The following SHANK2 variants were observed in gnomAD, a reference collection of about 807,000 sequenced individuals.
SHANK2 encodes the protein SH3 and multiple ankyrin repeat domains 2, also known as SH3 and multiple ankyrin repeat domains protein 2.
Under a neutral mutation model 133.7 loss-of-function variants are expected in SHANK2, and 43 were observed. The ratio of observed to expected loss-of-function variants is 0.32; its 90% CI spans 0.25 to 0.41. The LOEUF is 0.41. Among genes scored for constraint, SHANK2 ranks in the 10% least tolerant of loss-of-function variants. The pLI is 1.00. For synonymous variants in SHANK2, 1,017 were observed against 952.8 expected (o/e 1.07, Z -1.24); for missense variants, 1,994 against 2,235.8 (o/e 0.89, Z 2.18).
At chr11:70,545,137 G>C (rs1345377896) in intron 17 of SHANK2, among the ~76,000 whole-genome samples, 6 of 152,240 alleles carry the variant, frequency 3.9e-5, no homozygotes, top group African/African-American at 1.4e-4. Context: ...CACCACCCCA[G>C]TCCTGCCGTG....
chr11:71,095,227 G>A (rs144439005), intron 6 of SHANK2, among the ~76,000 whole-genome samples: 4 of 152,304 alleles, frequency 2.6e-5, no homozygotes, highest in East Asian at 1.9e-4. Flanking sequence ...CTTCATTAAC[G>A]CGGCGCAGGA....
At chr11:70,880,066 G>C (rs667028) in intron 11 of SHANK2, among the ~76,000 whole-genome samples, 17 of 152,168 alleles carry the variant, frequency 1.1e-4, no homozygotes, top group Admixed American at 2.0e-4. Flanking sequence ...GGCCGGTGCT[G>C]TGCCTGCCAG....
At chr11:71,113,171 A>G in intron 5 of SHANK2, 122 bp downstream of exon 5, 1 of 904,368 alleles carries the variant, frequency 1.1e-6, no homozygotes, top group Non-Finnish European at 1.7e-6. Context: ...CAGCCCAGCC[A>G]CACGCCATGC....
intron 14 of SHANK2, among the ~76,000 whole-genome samples, chr11:70,700,064 T>C (rs1310920769): frequency 6.6e-6 from 1 of 152,196 alleles, no homozygotes; most frequent in African/African-American, 2.4e-5. Flanking sequence ...AGCAAGAGTT[T>C]CATTTCTACC....
chr11:70,837,986 A>G (rs1443966344), intron 11 of SHANK2, among the ~76,000 whole-genome samples: 2 of 150,140 alleles, frequency 1.3e-5, no homozygotes, highest in African/African-American at 2.5e-5. Context: ...AAAAAAAAAA[A>G]AAAAAAAAAA....
chr11:71,107,744 T>C (rs1181029606), intron 6 of SHANK2, among the ~76,000 whole-genome samples: 2 of 152,216 alleles, frequency 1.3e-5, no homozygotes, highest in Non-Finnish European at 2.9e-5. Context: ...CTGATGTGTT[T>C]TTAGCAGTGA....
At position 70,485,927 on chromosome 11, in the gene SHANK2, G is replaced by A; in HGVS notation, c.4366C>T (p.Pro1456Ser). 1 of 1,614,154 alleles carries A rather than the reference G, an allele frequency of 6.2e-7. No individual in the cohort carries two copies. The highest frequency in any genetic ancestry group is 1.7e-4 in the Middle Eastern group (1 of 6,060). ...PQSPSLNSSQ[P>S]TNSADSKKPA... The stretch of plus-strand genomic sequence containing the variant: ...TTCTTGCTGTCTGCAGAGTTGGTTG[G>A]TTGGCTGGAGTTCAACGAAGGGGAC... The change falls in exon 25 of 26, where the codon CCA (proline) becomes TCA (serine). Residue 1456 changes from proline to serine, a missense_variant. This residue lies in a region of SHANK2 where 797 missense variants were observed against 907.4 expected (regional missense o/e 0.88). Transcript: ENST00000601538. The surrounding 1 kb of genome is among the most constrained non-coding windows in gnomAD (Gnocchi z 5.8).
intron 1 of SHANK2, among the ~76,000 whole-genome samples, chr11:71,241,434 T>C (rs1193242602): frequency 3.3e-5 from 5 of 152,072 alleles, no homozygotes; most frequent in Admixed American, 2.0e-4. Context: ...CAAGGCCCCA[T>C]GGGACAAACA....
intron 17 of SHANK2, among the ~76,000 whole-genome samples, chr11:70,567,141 AG>A (rs1405977522): frequency 6.6e-6 from 1 of 152,104 alleles, no homozygotes; most frequent in Admixed American, 6.5e-5. Context: ...ATTGATGGAG[AG>A]GTGTCTGCAG....
At chr11:70,578,316 A>T (rs2060142189) in intron 17 of SHANK2, among the ~76,000 whole-genome samples, 1 of 152,192 alleles carries the variant, frequency 6.6e-6, no homozygotes, top group African/African-American at 2.4e-5. Flanking sequence ...CCAAGACAGG[A>T]GGAACGCAGA....
At chr11:71,242,057 A>C (rs372766133) in intron 1 of SHANK2, among the ~76,000 whole-genome samples, 17 of 152,358 alleles carry the variant, frequency 1.1e-4, no homozygotes, top group African/African-American at 3.8e-4. Flanking sequence ...ACTCAGCCAC[A>C]AAAAGGAAGG....
intron 14 of SHANK2, among the ~76,000 whole-genome samples, chr11:70,769,323 G>A (rs73529977): frequency 0.01 from 1,530 of 152,284 alleles, 27 homozygotes; most frequent in African/African-American, 0.035. Context: ...TCGCAGACAT[G>A]TCCTCGTTTG....
rs73535364 is a variant in SHANK2 at position 70,931,035 on chromosome 11, T to C, written c.1108-34468A>G. Among the ~76,000 whole-genome samples, 610 of 152,040 alleles carry C rather than the reference T, an allele frequency of 4.0e-3. 2 individuals are homozygous for C. The highest frequency in any genetic ancestry group is 0.014 in the African/African-American group (592 of 41,466). ...TAAATGGATGCACAAAATTCAGCCA[T>C]GAAAGGGAATGAAGCCCCAACACAC... On this transcript the variant is annotated intron_variant, in intron 10 of 25. Coordinates refer to ENST00000601538, the MANE Select transcript of SHANK2 (RefSeq NM_012309.5).
At chr11:71,214,744 G>A (rs1954367452) in intron 2 of SHANK2, among the ~76,000 whole-genome samples, 1 of 152,186 alleles carries the variant, frequency 6.6e-6, no homozygotes, top group African/African-American at 2.4e-5. Flanking sequence ...TGTCCTCTGG[G>A]GTGGGGTATC....
intron 15 of SHANK2, among the ~76,000 whole-genome samples, chr11:70,677,238 T>G (rs1395437375): frequency 2.0e-5 from 3 of 152,206 alleles, no homozygotes; most frequent in African/African-American, 7.2e-5. Flanking sequence ...GTCCCTCTGC[T>G]AGACCTGAGG....
rs1555147829 is a variant in SHANK2 at position 70,469,080 on chromosome 11, CG to C, written c.*3788del. Reference sequence around the variant, plus strand: ...GAGACTGGACCCTAAGGGAAGGGTCCGGATCTGGCTGGCCCTCCGCGGCACC... The same window carrying C: ...GAGACTGGACCCTAAGGGAAGGGTCCGATCTGGCTGGCCCTCCGCGGCACC... On this transcript the variant is annotated 3_prime_UTR_variant, in exon 26 of 26. Transcript: ENST00000601538. 2.0e-5 allele frequency: 3 copies of C among 152,216 alleles called. No homozygotes were observed. The highest frequency in any genetic ancestry group is 7.2e-5 in the African/African-American group (3 of 41,440). The allele number at this position is 152,216 out of a possible 1,614,324, so 9.4% of individuals were successfully genotyped here.
At chr11:71,146,442 C>CAAG (rs1555106700) in intron 3 of SHANK2, among the ~76,000 whole-genome samples, 3 of 151,972 alleles carry the variant, frequency 2.0e-5, no homozygotes, top group South Asian at 2.1e-4. Flanking sequence ...CCTTTACAGA[C>CAAG]AGCCCCAGTT....
At chr11:70,933,222 G>A (rs1950525614) in intron 10 of SHANK2, 2 of 456,362 alleles carry the variant, frequency 4.4e-6, no homozygotes, top group African/African-American at 2.0e-5. Flanking sequence ...CTACAACATG[G>A]AGGAACCTTG....
intron 12 of SHANK2, among the ~76,000 whole-genome samples, chr11:70,810,385 G>A (rs1387916202): frequency 6.6e-6 from 1 of 152,226 alleles, no homozygotes; most frequent in Non-Finnish European, 1.5e-5. Context: ...GTGGGAGCCT[G>A]TACCGCAGGC....
Sources: gnomAD v4.1 joint callset for allele counts (sites outside exome capture counted in the v4.1 genomes callset) on GRCh38, gnomAD v4.1.1 for gene constraint, gnomAD v4.1.1 regional missense constraint, Gnocchi (gnomAD v3.1) non-coding constraint, MANE v1.5 for transcripts, NCBI Gene and HGNC (gene_info 2026-07-23, HGNC 2026-07-21) for gene names.